Variants in CNTNAP2 observed in about 807,000 individuals in gnomAD.
The protein encoded by CNTNAP2 is contactin associated protein 2, also known as contactin-associated protein-like 2.
Under a neutral mutation model 155.2 loss-of-function variants are expected in CNTNAP2, and 98 were observed. The observed-to-expected ratio is 0.63, with a 90% CI of 0.54 to 0.75. The LOEUF (loss-of-function observed/expected upper bound fraction) is 0.75, where lower values mean the gene tolerates loss of function less well. Among genes scored for constraint, CNTNAP2 ranks in the 30% least tolerant of loss-of-function variants. The pLI is 0.00. For missense variants in CNTNAP2, 1,727 were observed against 1,688.1 expected, an observed-to-expected ratio of 1.02 and a Z score of -0.40; for synonymous variants, 651 against 631.2, an observed-to-expected ratio of 1.03 and a Z score of -0.47.
chr7:147,004,584 G>A (rs1798490778), intron 3 of CNTNAP2, among the ~76,000 whole-genome samples: 1 of 151,968 alleles, frequency 6.6e-6, no homozygotes, highest in African/African-American at 2.4e-5. Context: ...CTACTTAAAA[G>A]TCTAGGTTGG....
chr7:147,943,192 A>G (rs192416814), intron 14 of CNTNAP2, among the ~76,000 whole-genome samples: 6 of 152,324 alleles, frequency 3.9e-5, no homozygotes, highest in Admixed American at 2.0e-4. Context: ...GACAATACCT[A>G]TCTCACTTTA....
chr7:146,352,831 T>C (rs1794939257), intron 1 of CNTNAP2, among the ~76,000 whole-genome samples: 1 of 140,134 alleles, frequency 7.1e-6, no homozygotes, highest in Non-Finnish European at 1.5e-5. Flanking sequence ...CTCGGCTCAC[T>C]GCAAGCTCCG....
At position 146,266,068 on chromosome 7, in the gene CNTNAP2, G is replaced by A. The variant is rs146635616; in HGVS notation, c.97+149095G>A. Among the ~76,000 whole-genome samples the A allele has an allele frequency of 2.9e-3, 441 of 152,182 alleles. 1 individual carries two copies. Among genetic ancestry groups the A allele is most frequent in the African/African-American group, 1.0e-2 (415 of 41,512 alleles). ...AAGTTTACTGTTAGGGAAAGCCAGAGCATAAGCCATAATCACATGACTTCA... is the reference window on the plus strand; with the variant it reads ...AAGTTTACTGTTAGGGAAAGCCAGAACATAAGCCATAATCACATGACTTCA... On this transcript the variant is annotated intron_variant, in intron 1 of 23. Transcript: ENST00000361727.
rs529871128 is a variant in CNTNAP2, at chr7:146,622,889, G to A, written c.98-151382G>A. Among the ~76,000 whole-genome samples, 9 of 151,424 alleles carry A rather than the reference G, an allele frequency of 5.9e-5. No homozygotes were observed. The South Asian group carries it at 1.0e-3, about 18-fold the overall frequency. On this transcript the variant is annotated intron_variant, in intron 1 of 23. Coordinates refer to ENST00000361727, the MANE Select transcript of CNTNAP2 (RefSeq NM_014141.6). Reference sequence around the variant, plus strand: ...GGAGAATTGCTTGAACTCGGCCAGCGGAGGTTGCAGTGAGCTGAGATCATG... The same window carrying A: ...GGAGAATTGCTTGAACTCGGCCAGCAGAGGTTGCAGTGAGCTGAGATCATG...
chr7:146,525,214 A>G (rs801959), intron 1 of CNTNAP2, among the ~76,000 whole-genome samples: 4,350 of 152,196 alleles, frequency 0.029, 204 homozygotes, highest in African/African-American at 0.099. Context: ...GTATAGATTA[A>G]AGCTCCTGGT....
intron 11 of CNTNAP2, among the ~76,000 whole-genome samples, chr7:147,497,976 A>T (rs111479271): frequency 1.6e-3 from 237 of 152,254 alleles, no homozygotes; most frequent in African/African-American, 5.1e-3. Context: ...CAAGGGAGAG[A>T]TTCTCAATAA....
intron 13 of CNTNAP2, among the ~76,000 whole-genome samples, chr7:147,827,446 C>T (rs189865617): frequency 2.2e-4 from 34 of 152,082 alleles, no homozygotes; most frequent in African/African-American, 8.0e-4. Flanking sequence ...CTTAACATAG[C>T]ACATAACAAA....
intron 1 of CNTNAP2, among the ~76,000 whole-genome samples, chr7:146,318,596 T>C (rs963726033): frequency 6.6e-6 from 1 of 152,058 alleles, no homozygotes; most frequent in African/African-American, 2.4e-5. Context: ...ACACTCTGTG[T>C]TTGGAAAACA....
intron 8 of CNTNAP2, among the ~76,000 whole-genome samples, chr7:147,259,734 G>A (rs753261114): frequency 5.3e-5 from 8 of 152,174 alleles, no homozygotes; most frequent in Non-Finnish European, 1.0e-4. Flanking sequence ...AGGCTGTTTT[G>A]TTCAAAGGAG....
At chr7:147,513,647 A>G (rs773142525) in intron 11 of CNTNAP2, among the ~76,000 whole-genome samples, 42 of 152,232 alleles carry the variant, frequency 2.8e-4, no homozygotes, top group Non-Finnish European at 8.8e-5. Flanking sequence ...CTCAAGGCCA[A>G]ATACAAAATC....
intron 15 of CNTNAP2, among the ~76,000 whole-genome samples, chr7:148,039,961 T>C (rs933344485): frequency 6.6e-6 from 1 of 152,218 alleles, no homozygotes; most frequent in African/African-American, 2.4e-5. Flanking sequence ...CTCTGTTCTT[T>C]CTACCAAGGC....
intron 21 of CNTNAP2, among the ~76,000 whole-genome samples, chr7:148,347,222 A>T (rs1339866361): frequency 1.3e-5 from 2 of 151,930 alleles, no homozygotes; most frequent in African/African-American, 4.8e-5. Context: ...GCACCACTAC[A>T]CTTCAGCCTG....
At chr7:147,030,332 C>G (rs1799005333) in intron 3 of CNTNAP2, among the ~76,000 whole-genome samples, 1 of 152,118 alleles carries the variant, frequency 6.6e-6, no homozygotes, top group South Asian at 2.1e-4. Context: ...TTTCTGGGCT[C>G]AGTACCTTGA....
chr7:146,841,922 GC>G, intron 3 of CNTNAP2, among the ~76,000 whole-genome samples: 1 of 146,358 alleles, frequency 6.8e-6, no homozygotes, highest in South Asian at 2.4e-4. Context: ...TGCTCTTGTT[GC>G]CCAGGCTGGA....
chr7:146,407,532 CG>C (rs1408723082), intron 1 of CNTNAP2, among the ~76,000 whole-genome samples: 1 of 152,166 alleles, frequency 6.6e-6, no homozygotes, highest in African/African-American at 2.4e-5. Context: ...TGGTGTGCCA[CG>C]GCTACGCAAG....
intron 10 of CNTNAP2, among the ~76,000 whole-genome samples, chr7:147,437,296 A>G (rs897725516): frequency 9.2e-5 from 14 of 152,246 alleles, no homozygotes; most frequent in African/African-American, 2.9e-4. Context: ...GTGAGGCCCA[A>G]TTTATGACAC....
At chr7:147,671,524 C>A (rs1470718668) in intron 13 of CNTNAP2, among the ~76,000 whole-genome samples, 1 of 151,734 alleles carries the variant, frequency 6.6e-6, no homozygotes, top group Non-Finnish European at 1.5e-5. Flanking sequence ...TTTTTTTGGC[C>A]AAAATAACTA....
chr7:146,939,881 C>G (rs1233810154), intron 3 of CNTNAP2, among the ~76,000 whole-genome samples: 1 of 136,102 alleles, frequency 7.3e-6, no homozygotes, highest in African/African-American at 2.7e-5. Flanking sequence ...TAACTTGGCA[C>G]AAATGAGATT....
intron 12 of CNTNAP2, among the ~76,000 whole-genome samples, chr7:147,594,533 G>T (rs191593435): frequency 1.0e-3 from 159 of 152,292 alleles, no homozygotes; most frequent in African/African-American, 3.3e-3. Context: ...TCTAAGTCAT[G>T]CTCTTAGGGC....
Sources: gnomAD v4.1 joint callset for allele counts (sites outside exome capture counted in the v4.1 genomes callset) on GRCh38, gnomAD v4.1.1 for gene constraint, MANE v1.5 for transcripts, NCBI Gene and HGNC (gene_info 2026-07-23, HGNC 2026-07-21) for gene names.